The following PLPP1 variants were observed in gnomAD, a reference collection of about 807,000 sequenced individuals.
PLPP1 encodes lipid phosphate phosphohydrolase 1a.
A neutral mutation model predicts 31.2 loss-of-function variants in PLPP1; 24 were observed. That is an observed-to-expected ratio of 0.77 (90% CI 0.56 to 1.08). PLPP1 has a LOEUF of 1.08. Ranked by LOEUF, PLPP1 falls within the 50% of genes least tolerant of loss-of-function variation. The pLI, the probability that PLPP1 is intolerant of heterozygous loss-of-function variation, is 0.00. For missense variants in PLPP1, 319 were observed against 342.7 expected, an observed-to-expected ratio of 0.93 and a Z score of 0.55; for synonymous variants, 146 against 126.3, an observed-to-expected ratio of 1.16 and a Z score of -1.05.
In PLPP1 at chr5:55,451,956, A is replaced by G. The variant is rs188042393; in HGVS notation, c.492-10048T>C. On this transcript the variant is annotated intron_variant, in intron 3 of 5. Coordinates refer to ENST00000307259, the MANE Select transcript of PLPP1 (RefSeq NM_003711.4). ...CTTATCGTACAACATTTAGGTGCCC[A>G]TTTTAGTATATTTAAAGAGTGGAAA... 1.4e-3 allele frequency among the ~76,000 whole-genome samples: 214 copies of G among 152,314 alleles called. 1 individual carries two copies. Among genetic ancestry groups the G allele is most frequent in the African/African-American group, 4.9e-3 (204 of 41,582 alleles).
In PLPP1 at chr5:55,525,000, A is replaced by T. The variant is rs541748780; in HGVS notation, c.58+9572T>A. ...TTCGTTTAATTACTCTCCACCACAG[A>T]CCTACACAGATCAATTTTCACCATG... On this transcript the variant is annotated intron_variant, in intron 1 of 5. Transcript: ENST00000307259. 5.3e-5 allele frequency among the ~76,000 whole-genome samples: 8 copies of T among 152,300 alleles called. No homozygotes were observed. In the South Asian group the frequency reaches 1.2e-3, roughly 24 times the overall value.
At chr5:55,488,498 T>C (rs1204838329) in intron 1 of PLPP1, among the ~76,000 whole-genome samples, 1 of 151,704 alleles carries the variant, frequency 6.6e-6, no homozygotes, top group Non-Finnish European at 1.5e-5. Context: ...ATACAAAAAT[T>C]AGCCAGGTGT....
intron 1 of PLPP1, among the ~76,000 whole-genome samples, chr5:55,513,916 T>C (rs147121165): frequency 6.6e-6 from 1 of 152,270 alleles, no homozygotes; most frequent in East Asian, 1.9e-4. Flanking sequence ...ACAGATGTTG[T>C]GTAGGGTGGG....
chr5:55,534,540 C>G, intron 1 of PLPP1, 32 bp downstream of exon 1: 1 of 1,523,526 alleles, frequency 6.6e-7, no homozygotes, highest in Non-Finnish European at 8.8e-7. Context: ...GACAGCCGCA[C>G]ACGCCCCTCG....
chr5:55,534,588 C>A lies in PLPP1; in HGVS notation c.42G>T (p.Val14=). The part of the protein sequence containing the change: ...KTRLPYVALD[V]LCVLLAGLPF... ...CGTACGTACCCAGCAACACGCAGAGCACATCGAGGGCCACGTACGGCAGCC... is the reference window on the plus strand; with the variant it reads ...CGTACGTACCCAGCAACACGCAGAGAACATCGAGGGCCACGTACGGCAGCC... Residue 14 remains valine, a synonymous_variant, in exon 1 of 6, where the codon GTG becomes GTT. Transcript: ENST00000307259. The A allele has an allele frequency of 6.4e-7, 1 of 1,557,240 alleles. No homozygotes were observed. Among genetic ancestry groups the A allele is most frequent in the Non-Finnish European group, 8.7e-7 (1 of 1,153,678 alleles).
At chr5:55,429,090 G>A (rs1751282064) in intron 4 of PLPP1, among the ~76,000 whole-genome samples, 1 of 152,100 alleles carries the variant, frequency 6.6e-6, no homozygotes, top group Admixed American at 6.5e-5. Flanking sequence ...TTTGTCTCTG[G>A]AATTTATACC....
chr5:55,513,558 C>T (rs1361696176), intron 1 of PLPP1, among the ~76,000 whole-genome samples: 1 of 152,116 alleles, frequency 6.6e-6, no homozygotes, highest in Non-Finnish European at 1.5e-5. Flanking sequence ...AGGCATGAGC[C>T]ACTGCGCCCG....
chr5:55,429,810 A>C (rs1159054568), intron 4 of PLPP1, among the ~76,000 whole-genome samples: 2 of 151,968 alleles, frequency 1.3e-5, no homozygotes, highest in Non-Finnish European at 2.9e-5. Flanking sequence ...GTGCATTGTC[A>C]AGCCTGATTA....
chr5:55,444,339 C>A (rs1475294636), intron 3 of PLPP1, among the ~76,000 whole-genome samples: 1 of 152,122 alleles, frequency 6.6e-6, no homozygotes, highest in African/African-American at 2.4e-5. Flanking sequence ...CCTCGGCCTC[C>A]CAAAGTGCTA....
intron 1 of PLPP1, among the ~76,000 whole-genome samples, chr5:55,497,170 A>G (rs1753018843): frequency 6.6e-6 from 1 of 152,188 alleles, no homozygotes; most frequent in African/African-American, 2.4e-5. Flanking sequence ...TTCCACTGCC[A>G]TAATATGGCA....
At chr5:55,495,365 G>A (rs563886123) in intron 1 of PLPP1, among the ~76,000 whole-genome samples, 2 of 152,078 alleles carry the variant, frequency 1.3e-5, no homozygotes, top group East Asian at 3.9e-4. Flanking sequence ...AAGAAAGGAT[G>A]CTCACAGGCT....
intron 3 of PLPP1, among the ~76,000 whole-genome samples, chr5:55,454,801 T>A (rs1329909176): frequency 6.6e-6 from 1 of 152,234 alleles, no homozygotes; most frequent in Non-Finnish European, 1.5e-5. Flanking sequence ...CTGACATACA[T>A]ATGCATGAGA....
chr5:55,424,899 C>A lies in PLPP1; in HGVS notation c.*307G>T. 1 of 683,316 alleles carries A rather than the reference C, an allele frequency of 1.5e-6. No individual in the cohort carries two copies. Among genetic ancestry groups the A allele is most frequent in the South Asian group, 2.0e-5 (1 of 50,270 alleles). The allele number at this position is 683,316 out of a possible 1,614,324, so 42.3% of individuals were successfully genotyped here. ...TAATATGTATTATATTTAAATCAAA[C>A]ATCATTCATAGAAAGCATATTACAT... On this transcript the variant is annotated 3_prime_UTR_variant, in exon 6 of 6. Coordinates refer to ENST00000307259, the MANE Select transcript of PLPP1 (RefSeq NM_003711.4).
chr5:55,428,458 G>GA (rs1438202615), intron 4 of PLPP1, among the ~76,000 whole-genome samples: 3 of 152,194 alleles, frequency 2.0e-5, no homozygotes, highest in Non-Finnish European at 4.4e-5. Context: ...GACATGCCCA[G>GA]AAATCCGGAC....
intron 1 of PLPP1, among the ~76,000 whole-genome samples, chr5:55,502,983 G>T (rs950772968): frequency 2.6e-5 from 4 of 152,116 alleles, no homozygotes; most frequent in African/African-American, 2.4e-5. Flanking sequence ...GTATGACTGG[G>T]TACCCTCCTA....
At chr5:55,446,398 C>G (rs952239633) in intron 3 of PLPP1, among the ~76,000 whole-genome samples, 2 of 152,188 alleles carry the variant, frequency 1.3e-5, no homozygotes, top group Admixed American at 6.5e-5. Flanking sequence ...TTACAAATCC[C>G]TTTGGTTCCA....
chr5:55,433,144 C>CAA (rs57495015), intron 4 of PLPP1, among the ~76,000 whole-genome samples: 10 of 125,310 alleles, frequency 8.0e-5, no homozygotes, highest in African/African-American at 2.5e-4. Context: ...CCCATCTCTA[C>CAA]AAAAAAAAAA....
chr5:55,442,037 G>T, intron 3 of PLPP1, 129 bp from the exon 4 acceptor site: 1 of 825,346 alleles, frequency 1.2e-6, no homozygotes. Context: ...AATTAGAAGG[G>T]TACGGCAGGG....
At chr5:55,474,837 T>C (rs1752500962) in intron 2 of PLPP1, among the ~76,000 whole-genome samples, 1 of 152,182 alleles carries the variant, frequency 6.6e-6, no homozygotes, top group Admixed American at 6.6e-5. Flanking sequence ...CACAAGATTA[T>C]TAAAACAATA....
Sources: gnomAD v4.1 joint callset for allele counts (sites outside exome capture counted in the v4.1 genomes callset) on GRCh38, gnomAD v4.1.1 for gene constraint, MANE v1.5 for transcripts, NCBI Gene and HGNC (gene_info 2026-07-23, HGNC 2026-07-21) for gene names.